The following PAK3 variants were observed in gnomAD, a reference collection of about 807,000 sequenced individuals.
PAK3 encodes the protein serine/threonine-protein kinase PAK 3.
Under a neutral mutation model 41.0 loss-of-function variants are expected in PAK3, and 4 were observed. The observed-to-expected ratio is 0.10, with a 90% CI of 0.05 to 0.22. The LOEUF (loss-of-function observed/expected upper bound fraction) is 0.22. PAK3 is among the 10% of genes least tolerant of loss of function. PAK3 has a pLI of 1.00. For synonymous variants in PAK3, 146 were observed against 139.6 expected (o/e 1.05, Z -0.32); for missense variants, 205 against 409.9 (o/e 0.50, Z 4.32).
At chrX:111,059,052 CT>C (rs1304496394) in intron 1 of PAK3, among the ~76,000 whole-genome samples, 1 of 99,325 alleles carries the variant, frequency 1.0e-5, no homozygotes, top group African/African-American at 3.7e-5. Context: ...CATTTTAGAT[CT>C]TTTTCAAGAT....
intron 4 of PAK3, among the ~76,000 whole-genome samples, chrX:111,104,547 C>T (rs948723194): frequency 9.0e-6 from 1 of 110,981 alleles, no homozygotes; most frequent in Non-Finnish European, 1.9e-5. Context: ...AACTTTCTAG[C>T]GATGTTCTGG....
chrX:111,119,610 T>A (rs2093533116), intron 4 of PAK3, among the ~76,000 whole-genome samples: 1 of 112,375 alleles, frequency 8.9e-6, no homozygotes, highest in African/African-American at 3.2e-5. Flanking sequence ...TTGGAAATAA[T>A]GACATCATAG....
intron 7 of PAK3, among the ~76,000 whole-genome samples, chrX:111,150,986 G>C (rs188928517): frequency 9.0e-6 from 1 of 111,676 alleles, no homozygotes; most frequent in Non-Finnish European, 1.9e-5. Context: ...AAAGGGAAGA[G>C]TGTCTGATTT....
chrX:111,154,034 C>T (rs769134943), intron 8 of PAK3, among the ~76,000 whole-genome samples: 1 of 111,842 alleles, frequency 8.9e-6, no homozygotes, highest in South Asian at 3.8e-4. Flanking sequence ...GTGAAATAAG[C>T]CAGTCTCAAA....
intron 1 of PAK3, among the ~76,000 whole-genome samples, chrX:111,046,279 G>GTTGT (rs754935857): frequency 9.0e-6 from 1 of 111,517 alleles, no homozygotes; most frequent in African/African-American, 3.3e-5. Flanking sequence ...TGTTGTTGTT[G>GTTGT]TTGTTTGTTT....
At chrX:111,201,240 G>A (rs1037652223) in intron 16 of PAK3, among the ~76,000 whole-genome samples, 2 of 111,859 alleles carry the variant, frequency 1.8e-5, no homozygotes, top group Admixed American at 9.5e-5. Flanking sequence ...TTTTGGTTTC[G>A]ATTTCAAATA....
At chrX:111,085,171 T>C (rs771453152) in intron 1 of PAK3, among the ~76,000 whole-genome samples, 8 of 112,410 alleles carry the variant, frequency 7.1e-5, no homozygotes, top group Non-Finnish European at 1.5e-4. Context: ...GACAGTTTTT[T>C]TTTAAAGTAA....
chrX:111,143,213 G>A (rs2093897341), intron 6 of PAK3, among the ~76,000 whole-genome samples: 1 of 111,094 alleles, frequency 9.0e-6, no homozygotes, highest in Non-Finnish European at 1.9e-5. Flanking sequence ...TTAAGTAGTT[G>A]AGTTTTTTGT....
At chrX:111,111,360 A>G (rs1048644800) in intron 4 of PAK3, among the ~76,000 whole-genome samples, 4 of 111,558 alleles carry the variant, frequency 3.6e-5, no homozygotes, top group Non-Finnish European at 7.5e-5. Context: ...GCTTCCCACT[A>G]GATATTTCTA....
At chrX:111,179,032 TGGTTG>T (rs2094438946) in intron 11 of PAK3, among the ~76,000 whole-genome samples, 1 of 105,812 alleles carries the variant, frequency 9.5e-6, no homozygotes, top group Non-Finnish European at 1.9e-5. Flanking sequence ...TATATATATA[TGGTTG>T]AAAGTCTACT....
chrX:111,009,484 G>A lies in PAK3; in HGVS notation c.-28+64856G>A, dbSNP rs1239662597. ...CACAGCACAATGTCAGCTGCCCATT[G>A]ACCTTAGTCTTCGTGGCCCCAGGGT... is the stretch of plus-strand genomic sequence containing the variant. On this transcript the variant is annotated intron_variant, in intron 1 of 14. Transcript: ENST00000425146. Among the ~76,000 whole-genome samples the A allele has an allele frequency of 2.8e-4, 8 of 28,843 alleles. No individual in the cohort carries two copies. The Admixed American group carries it at 5.6e-3, about 20-fold the overall frequency. 25.0% of individuals were successfully genotyped at this position (28,843 alleles called of 115,157 possible).
intron 1 of PAK3, among the ~76,000 whole-genome samples, chrX:110,976,795 C>A (rs1336474193): frequency 5.4e-5 from 6 of 111,276 alleles, no homozygotes; most frequent in African/African-American, 2.0e-4. Context: ...AGTATGAGTT[C>A]ATGTCCTTTT....
At chrX:111,022,558 A>G (rs898554460) in intron 1 of PAK3, among the ~76,000 whole-genome samples, 12 of 111,743 alleles carry the variant, frequency 1.1e-4, no homozygotes, top group Non-Finnish European at 2.3e-4. Context: ...TCCTCAAAAT[A>G]CAACAAAATA....
intron 10 of PAK3, among the ~76,000 whole-genome samples, chrX:111,164,232 C>T (rs1037408992): frequency 2.7e-5 from 3 of 111,022 alleles, no homozygotes; most frequent in African/African-American, 6.6e-5. Context: ...TGTACATGCT[C>T]GTGTGTACAC....
chrX:110,998,409 T>A (rs1197487108), intron 1 of PAK3, among the ~76,000 whole-genome samples: 5 of 112,200 alleles, frequency 4.5e-5, no homozygotes, highest in Non-Finnish European at 9.4e-5. Context: ...TCAAGTAAGA[T>A]GAGAACTGAG....
chrX:111,148,235 C>G lies in PAK3; in HGVS notation c.430+345C>G, dbSNP rs143095536. ...TAAGAGTTGTATGTATGAAACCATG[C>G]TCTCTGGAAATTTACTTTGTCCCTT... On this transcript the variant is annotated intron_variant, in intron 7 of 17. Transcript: ENST00000372007. Among the ~76,000 whole-genome samples, 644 of 111,887 alleles carry G rather than the reference C, an allele frequency of 5.8e-3. 12 individuals carry two copies. The highest frequency in any genetic ancestry group is 0.044 in the Admixed American group (468 of 10,569).
chrX:111,082,173 G>A (rs182266636), intron 1 of PAK3, among the ~76,000 whole-genome samples: 2 of 112,055 alleles, frequency 1.8e-5, no homozygotes, highest in African/African-American at 3.2e-5. Flanking sequence ...ACTAAGAAAC[G>A]TTTGTTGATC....
intron 1 of PAK3, among the ~76,000 whole-genome samples, chrX:110,972,757 A>G (rs1326175685): frequency 9.0e-6 from 1 of 111,633 alleles, no homozygotes; most frequent in Non-Finnish European, 1.9e-5. Context: ...GGTAATGACA[A>G]ACTTCTCCGA....
rs775215759 is a variant in PAK3, at chrX:110,971,364, T to C, written c.-28+26736T>C. 4.4e-5 allele frequency among the ~76,000 whole-genome samples: 5 copies of C among 112,404 alleles called. No homozygotes were observed. The East Asian group carries it at 1.4e-3, about 31-fold the overall frequency. ...TATGTGGCCTTTTGTGACTGGCTTCTTTCACTTAGCATAATGTTTTCAAGG... is the reference window on the plus strand; with the variant it reads ...TATGTGGCCTTTTGTGACTGGCTTCCTTCACTTAGCATAATGTTTTCAAGG... On this transcript the variant is annotated intron_variant, in intron 1 of 14. Coordinates refer to the PAK3 transcript ENST00000425146.
Sources: gnomAD v4.1 joint callset for allele counts (sites outside exome capture counted in the v4.1 genomes callset) on GRCh38, gnomAD v4.1.1 for gene constraint, MANE v1.5 for transcripts, NCBI Gene and HGNC (gene_info 2026-07-23, HGNC 2026-07-21) for gene names.